Variants in LRIF1 observed in about 807,000 individuals in gnomAD.
LRIF1 encodes ligand dependent nuclear receptor interacting factor 1.
Under a neutral mutation model 52.7 loss-of-function variants are expected in LRIF1, and 32 were observed. The ratio of observed to expected loss-of-function variants is 0.61; its 90% CI spans 0.46 to 0.82. The LOEUF is 0.82. LRIF1 is among the 40% of genes least tolerant of loss of function. The pLI is 0.00. For missense variants in LRIF1, 887 were observed against 892.0 expected, an observed-to-expected ratio of 0.99 and a Z score of 0.07; for synonymous variants, 323 against 317.4, an observed-to-expected ratio of 1.02 and a Z score of -0.19.
the LRIF1 span, chr1:110,894,913 T>G: frequency 2.8e-6 from 4 of 1,435,554 alleles, no homozygotes; most frequent in Non-Finnish European, 3.9e-6. Flanking sequence ...TTCCTTGAAC[T>G]CACCTGCTTT....
the LRIF1 span, among the ~76,000 whole-genome samples, chr1:110,913,929 G>A: frequency 6.6e-6 from 1 of 151,964 alleles, no homozygotes; most frequent in Non-Finnish European, 1.5e-5. Context: ...AAGAAAATGT[G>A]GTACTTATAC....
the LRIF1 span, among the ~76,000 whole-genome samples, chr1:110,902,511 A>AG: frequency 3.7e-4 from 55 of 149,088 alleles, 1 homozygote; most frequent in Admixed American, 4.1e-4. Flanking sequence ...AAAAAAAAAA[A>AG]AAAAAAAAAG....
the LRIF1 span, among the ~76,000 whole-genome samples, chr1:110,931,091 C>T: frequency 2.6e-5 from 4 of 152,154 alleles, no homozygotes; most frequent in South Asian, 2.1e-4. Flanking sequence ...TCCATCAACT[C>T]GTCATTTACA....
chr1:110,931,000 A>G, the LRIF1 span, among the ~76,000 whole-genome samples: 21 of 151,266 alleles, frequency 1.4e-4, no homozygotes, highest in African/African-American at 5.1e-4. Context: ...TTTTTTTTTT[A>G]ATACTTTAAG....
the LRIF1 span, among the ~76,000 whole-genome samples, chr1:110,887,016 GTTTGA>G: frequency 6.7e-6 from 1 of 149,020 alleles, no homozygotes; most frequent in East Asian, 1.9e-4. Context: ...ATCTTTAGAA[GTTTGA>G]TTTGAGTCTT....
chr1:110,900,758 A>AAC, the LRIF1 span, among the ~76,000 whole-genome samples: 13 of 151,870 alleles, frequency 8.6e-5, no homozygotes, highest in African/African-American at 3.1e-4. Flanking sequence ...CTCAAAAAAA[A>AAC]AAAAAAACAA....
At chr1:110,954,482 T>C (rs995272600) in intron 1 of LRIF1, among the ~76,000 whole-genome samples, 2 of 152,180 alleles carry the variant, frequency 1.3e-5, no homozygotes, top group Non-Finnish European at 2.9e-5. Context: ...AGTTTTGCTA[T>C]GTTGTCCAGG....
chr1:110,897,222 T>C, the LRIF1 span, among the ~76,000 whole-genome samples: 5 of 152,130 alleles, frequency 3.3e-5, no homozygotes, highest in Non-Finnish European at 7.4e-5. Context: ...CCTGTCCAAT[T>C]AATTTGGACC....
the LRIF1 span, chr1:110,895,201 A>C: frequency 1.6e-6 from 1 of 634,220 alleles, no homozygotes; most frequent in Non-Finnish European, 2.9e-6. Context: ...TATCACAAAC[A>C]TGGGAGCCCA....
chr1:110,889,279 G>T, the LRIF1 span, among the ~76,000 whole-genome samples: 10 of 152,124 alleles, frequency 6.6e-5, no homozygotes, highest in African/African-American at 2.2e-4. Flanking sequence ...ATAATTGGCC[G>T]GGTGTGGTGG....
chr1:110,932,934 G>A, the LRIF1 span, among the ~76,000 whole-genome samples: 1 of 151,958 alleles, frequency 6.6e-6, no homozygotes, highest in African/African-American at 2.4e-5. Flanking sequence ...TTTTATATTG[G>A]TATAGATTAA....
chr1:110,909,110 G>A, the LRIF1 span, among the ~76,000 whole-genome samples: 6 of 152,184 alleles, frequency 3.9e-5, no homozygotes, highest in East Asian at 5.8e-4. Context: ...CAAGAACTTC[G>A]TATCTAGCCA....
chr1:110,951,454 A>G lies in LRIF1; in HGVS notation c.1430T>C (p.Ile477Thr). 6.2e-7 allele frequency: 1 copy of G among 1,614,074 alleles called. No individual in the cohort carries two copies. The highest frequency in any genetic ancestry group is 1.7e-5 in the Admixed American group (1 of 60,014). The stretch of plus-strand genomic sequence containing the variant: ...TCCTGTACTAAATCCAACTGGAAAG[A>G]TTGGATTTGTGAATAAAGTCTTACT... ...KQSKTLFTNP[I>T]FPVGFSTGHN... The change falls in exon 2 of 4, where the codon ATC becomes ACC. Residue 477 changes from isoleucine (I) to threonine (T), a missense_variant. Physicochemically the swap from Ile to Thr is moderately conservative, Grantham distance 89 (BLOSUM62 -1). Coordinates refer to ENST00000369763, the MANE Select transcript of LRIF1 (RefSeq NM_018372.4).
the LRIF1 span, chr1:110,894,478 T>C: frequency 2.7e-4 from 299 of 1,106,066 alleles, 4 homozygotes; most frequent in South Asian, 3.6e-3. Flanking sequence ...GGTACAAAGT[T>C]ACAGAATAAG....
intron 1 of LRIF1, among the ~76,000 whole-genome samples, chr1:110,955,346 T>A (rs190550322): frequency 3.9e-5 from 6 of 152,344 alleles, no homozygotes; most frequent in Admixed American, 3.3e-4. Flanking sequence ...GCAAACATCA[T>A]CTCTGGCTTA....
At chr1:110,894,998 C>A in the LRIF1 span, 16 of 1,613,974 alleles carry the variant, frequency 9.9e-6, no homozygotes. Context: ...CCGACAGCAT[C>A]CACCGTTACC....
chr1:110,955,975 T>C (rs1306672608), intron 1 of LRIF1, among the ~76,000 whole-genome samples: 5 of 152,174 alleles, frequency 3.3e-5, no homozygotes. Context: ...ACCTATCTCC[T>C]TCCATTGCAA....
the LRIF1 span, among the ~76,000 whole-genome samples, chr1:110,912,969 T>C: frequency 6.6e-6 from 1 of 152,146 alleles, no homozygotes; most frequent in Admixed American, 6.5e-5. Flanking sequence ...ATGGTACTGG[T>C]ACAAACACAG....
At chr1:110,900,522 C>A in the LRIF1 span, among the ~76,000 whole-genome samples, 2 of 152,064 alleles carry the variant, frequency 1.3e-5, no homozygotes, top group African/African-American at 4.8e-5. Context: ...GCCACCATGC[C>A]TGACTAATTT....
Sources: allele counts gnomAD v4.1 joint callset (sites outside exome capture counted in the v4.1 genomes callset), GRCh38; gene constraint gnomAD v4.1.1; transcripts MANE v1.5; gene names NCBI Gene and HGNC (gene_info 2026-07-23, HGNC 2026-07-21).